The following LRBA variants were observed in gnomAD, a reference collection of about 807,000 sequenced individuals.
LRBA encodes lipopolysaccharide-responsive and beige-like anchor protein.
LRBA carries 176 observed loss-of-function variants against 330.0 expected under a neutral mutation model. The observed-to-expected ratio is 0.53, with a 90% CI of 0.47 to 0.60. The LOEUF (loss-of-function observed/expected upper bound fraction) is 0.60. LRBA is among the 20% of genes least tolerant of loss of function. The pLI is 0.00. For synonymous variants in LRBA, 1,230 were observed against 1,193.0 expected, an observed-to-expected ratio of 1.03 and a Z score of -0.64; for missense variants, 3,259 against 3,444.8, an observed-to-expected ratio of 0.95 and a Z score of 1.35.
In LRBA at chr4:150,635,466, C is replaced by T. The variant is rs1052196354; in HGVS notation, c.5922-36335G>A. On this transcript the variant is annotated intron_variant, in intron 37 of 56. Transcript: ENST00000651943. Reference sequence around the variant, plus strand: ...ATCATTATTCTCTCCACCATTTTCCCTCTCTGCCTCTAACACATAACACCC... The same window carrying T: ...ATCATTATTCTCTCCACCATTTTCCTTCTCTGCCTCTAACACATAACACCC... Among the ~76,000 whole-genome samples, 119 of 152,258 alleles carry T rather than the reference C, an allele frequency of 7.8e-4. 1 individual carries two copies. The highest frequency in any genetic ancestry group is 3.8e-4 in the Non-Finnish European group (26 of 68,026).
chr4:150,864,600 G>A (rs1034387290), intron 22 of LRBA, among the ~76,000 whole-genome samples: 5 of 150,388 alleles, frequency 3.3e-5, no homozygotes, highest in African/African-American at 9.8e-5. Context: ...AGTAGGAAAG[G>A]AGGACTGCAC....
At chr4:150,789,244 T>C (rs1306868509) in intron 34 of LRBA, among the ~76,000 whole-genome samples, 5 of 152,168 alleles carry the variant, frequency 3.3e-5, no homozygotes, top group African/African-American at 1.2e-4. Flanking sequence ...AATTCAGTAC[T>C]AGAAAACCAA....
intron 47 of LRBA, among the ~76,000 whole-genome samples, chr4:150,407,330 T>C (rs1002865343): frequency 5.9e-5 from 9 of 152,308 alleles, no homozygotes; most frequent in African/African-American, 1.9e-4. Context: ...AGTAATTTGC[T>C]ATAGCAGCTA....
intron 47 of LRBA, among the ~76,000 whole-genome samples, chr4:150,383,814 C>G (rs569952818): frequency 6.6e-6 from 1 of 152,002 alleles, no homozygotes. Context: ...AAAAGCCTTA[C>G]GTTAGAACAA....
intron 42 of LRBA, among the ~76,000 whole-genome samples, chr4:150,475,975 A>C (rs1756659174): frequency 6.6e-6 from 1 of 151,892 alleles, no homozygotes; most frequent in Admixed American, 6.6e-5. Context: ...CTCTACTTTC[A>C]CTTCTAATTT....
intron 35 of LRBA, among the ~76,000 whole-genome samples, chr4:150,753,498 A>G (rs998920276): frequency 6.6e-6 from 1 of 152,186 alleles, no homozygotes; most frequent in Non-Finnish European, 1.5e-5. Context: ...AAATGATCCT[A>G]CGTACATAGA....
At chr4:150,548,316 C>A (rs1390987335) in intron 40 of LRBA, among the ~76,000 whole-genome samples, 2 of 152,168 alleles carry the variant, frequency 1.3e-5, no homozygotes, top group Non-Finnish European at 1.5e-5. Context: ...GCACACCCAA[C>A]TATTTGGGAT....
At chr4:150,290,894 AT>A (rs1728192908) in intron 53 of LRBA, among the ~76,000 whole-genome samples, 1 of 152,162 alleles carries the variant, frequency 6.6e-6, no homozygotes, top group Non-Finnish European at 1.5e-5. Context: ...CCTAACTTGC[AT>A]TTAAGCAACA....
chr4:150,632,514 G>T (rs1044776263), intron 37 of LRBA, among the ~76,000 whole-genome samples: 1 of 152,124 alleles, frequency 6.6e-6, no homozygotes, highest in African/African-American at 2.4e-5. Context: ...GAACAAAAGA[G>T]AACTAGAAGC....
At chr4:150,766,292 A>G (rs1215594460) in intron 34 of LRBA, among the ~76,000 whole-genome samples, 1 of 152,096 alleles carries the variant, frequency 6.6e-6, no homozygotes, top group Non-Finnish European at 1.5e-5. Context: ...TCTCTATAAT[A>G]CAGTCCTAAT....
At chr4:150,387,506 G>A (rs748499910) in intron 47 of LRBA, among the ~76,000 whole-genome samples, 3 of 152,058 alleles carry the variant, frequency 2.0e-5, no homozygotes, top group African/African-American at 7.2e-5. Flanking sequence ...CCTAAGAGTT[G>A]CTCAATTCTC....
At chr4:150,534,460 G>A (rs760666322) in intron 40 of LRBA, among the ~76,000 whole-genome samples, 4 of 151,254 alleles carry the variant, frequency 2.6e-5, no homozygotes, top group Non-Finnish European at 2.9e-5. Context: ...TGATTTACAC[G>A]TTTTGCTTTA....
intron 16 of LRBA, among the ~76,000 whole-genome samples, chr4:150,895,480 G>C (rs1243218446): frequency 6.6e-6 from 1 of 151,864 alleles, no homozygotes; most frequent in African/African-American, 2.4e-5. Context: ...TCCCCTTCCT[G>C]TGTCCATGTG....
At chr4:150,646,349 G>T (rs1346938414) in intron 37 of LRBA, among the ~76,000 whole-genome samples, 1 of 152,050 alleles carries the variant, frequency 6.6e-6, no homozygotes, top group Non-Finnish European at 1.5e-5. Flanking sequence ...CTGGAGAGTG[G>T]TTCAGTATTG....
chr4:150,466,414 G>C (rs1755459107), intron 44 of LRBA, among the ~76,000 whole-genome samples: 2 of 152,102 alleles, frequency 1.3e-5, no homozygotes, highest in South Asian at 2.1e-4. Context: ...GAATCACTGA[G>C]AGCCTTGCAT....
intron 44 of LRBA, among the ~76,000 whole-genome samples, chr4:150,458,760 C>A (rs1203801835): frequency 6.7e-6 from 1 of 149,800 alleles, no homozygotes; most frequent in East Asian, 1.9e-4. Flanking sequence ...AATAGTTTCC[C>A]TTTATCTGAA....
chr4:150,807,133 A>G (rs1742915498), intron 32 of LRBA, among the ~76,000 whole-genome samples: 1 of 151,846 alleles, frequency 6.6e-6, no homozygotes, highest in Admixed American at 6.6e-5. Flanking sequence ...AGCATTTCAG[A>G]TAATTCACAG....
intron 34 of LRBA, among the ~76,000 whole-genome samples, chr4:150,786,320 C>G (rs1244052138): frequency 1.3e-5 from 2 of 151,318 alleles, no homozygotes; most frequent in Non-Finnish European, 1.5e-5. Context: ...CTCAGCTCAC[C>G]GCAAGTTCCG....
intron 37 of LRBA, among the ~76,000 whole-genome samples, chr4:150,658,053 T>A (rs990489563): frequency 5.3e-5 from 8 of 152,070 alleles, no homozygotes; most frequent in Non-Finnish European, 1.0e-4. Flanking sequence ...TAACAATCTA[T>A]CACATGAAGG....
Sources: allele counts gnomAD v4.1 joint callset (sites outside exome capture counted in the v4.1 genomes callset), GRCh38; gene constraint gnomAD v4.1.1; transcripts MANE v1.5; gene names NCBI Gene and HGNC (gene_info 2026-07-23, HGNC 2026-07-21).